CNTN4: variants seen among roughly 807,000 people sequenced by gnomAD.
CNTN4 encodes contactin-4.
A neutral mutation model predicts 122.5 loss-of-function variants in CNTN4; 77 were observed. The observed-to-expected ratio is 0.63, with a 90% confidence interval of 0.52 to 0.76. CNTN4 has a LOEUF of 0.76. CNTN4 is among the 30% of genes least tolerant of loss of function. The pLI is 0.00. For synonymous variants in CNTN4, 512 were observed against 447.0 expected, an observed-to-expected ratio of 1.15 and a Z score of -1.83; for missense variants, 1,256 against 1,259.1, an observed-to-expected ratio of 1.00 and a Z score of 0.04.
chr3:2,463,997 G>A (rs1346409276), intron 3 of CNTN4, among the ~76,000 whole-genome samples: 1 of 152,052 alleles, frequency 6.6e-6, no homozygotes, highest in Admixed American at 6.6e-5. Flanking sequence ...TCATTTTCCT[G>A]TCCAATCTTC....
At chr3:2,749,989 T>TA (rs2090012774) in intron 6 of CNTN4, among the ~76,000 whole-genome samples, 2 of 152,214 alleles carry the variant, frequency 1.3e-5, no homozygotes, top group Non-Finnish European at 2.9e-5. Context: ...TGGCCACACT[T>TA]ACTGCACTAT....
intron 3 of CNTN4, among the ~76,000 whole-genome samples, chr3:2,542,580 G>T (rs2078076851): frequency 6.6e-6 from 1 of 152,142 alleles, no homozygotes; most frequent in Non-Finnish European, 1.5e-5. Context: ...CTGAATGTCA[G>T]ATCGAGAGCT....
At chr3:2,920,719 C>A (rs939468664) in intron 12 of CNTN4, among the ~76,000 whole-genome samples, 8 of 152,090 alleles carry the variant, frequency 5.3e-5, no homozygotes, top group Admixed American at 4.6e-4. Flanking sequence ...TAATCTGGAT[C>A]AAATACTGTG....
intron 3 of CNTN4, among the ~76,000 whole-genome samples, chr3:2,421,733 G>A (rs188645885): frequency 6.6e-6 from 1 of 152,268 alleles, no homozygotes; most frequent in Non-Finnish European, 1.5e-5. Flanking sequence ...AAGACCATTT[G>A]TAATACAATT....
chr3:2,366,651 C>T (rs927303904), intron 3 of CNTN4, among the ~76,000 whole-genome samples: 40 of 151,778 alleles, frequency 2.6e-4, no homozygotes, highest in African/African-American at 8.0e-4. Flanking sequence ...CACTTGAACC[C>T]GGGAGGCGGA....
intron 3 of CNTN4, among the ~76,000 whole-genome samples, chr3:2,481,053 C>CTTTCT (rs71058623): frequency 4.2e-5 from 6 of 144,546 alleles, no homozygotes; most frequent in African/African-American, 1.6e-4. Flanking sequence ...TTCTTTCTTT[C>CTTTCT]TTTCTTTCTC....
chr3:2,516,665 T>C (rs1430337341), intron 3 of CNTN4, among the ~76,000 whole-genome samples: 2 of 152,132 alleles, frequency 1.3e-5, no homozygotes, highest in Non-Finnish European at 2.9e-5. Context: ...CATTTTTGCA[T>C]GAAATTTCTC....
chr3:2,631,268 A>C (rs934361675), intron 4 of CNTN4, among the ~76,000 whole-genome samples: 16 of 152,214 alleles, frequency 1.1e-4, no homozygotes, highest in African/African-American at 3.9e-4. Context: ...ATGAATATTT[A>C]GTTTTGAAAG....
chr3:2,133,718 C>T (rs1284750149), intron 2 of CNTN4, among the ~76,000 whole-genome samples: 1 of 151,996 alleles, frequency 6.6e-6, no homozygotes, highest in Non-Finnish European at 1.5e-5. Context: ...TCTAACATAG[C>T]GAAATAAATA....
intron 3 of CNTN4, among the ~76,000 whole-genome samples, chr3:2,379,270 T>G (rs2045932749): frequency 6.6e-6 from 1 of 152,146 alleles, no homozygotes; most frequent in Non-Finnish European, 1.5e-5. Context: ...CGTTTCCTTT[T>G]TTTTTCTTCT....
chr3:2,741,141 G>C (rs2089436057), intron 5 of CNTN4, among the ~76,000 whole-genome samples: 1 of 152,188 alleles, frequency 6.6e-6, no homozygotes, highest in South Asian at 2.1e-4. Flanking sequence ...AGCATGCTAG[G>C]TCTGAGTATT....
chr3:2,565,705 A>G (rs528813197), intron 3 of CNTN4, among the ~76,000 whole-genome samples: 1 of 152,130 alleles, frequency 6.6e-6, no homozygotes, highest in Non-Finnish European at 1.5e-5. Flanking sequence ...GAACATTAAG[A>G]TTTTACTGTA....
At chr3:2,845,708 A>C (rs1297116352) in intron 7 of CNTN4, among the ~76,000 whole-genome samples, 3 of 152,216 alleles carry the variant, frequency 2.0e-5, no homozygotes, top group African/African-American at 7.2e-5. Flanking sequence ...CCTGGAAGTA[A>C]AGTAAAATCA....
intron 3 of CNTN4, among the ~76,000 whole-genome samples, chr3:2,348,667 A>G (rs992535034): frequency 1.3e-5 from 2 of 152,138 alleles, no homozygotes; most frequent in Admixed American, 1.3e-4. Context: ...TCATTGATCT[A>G]TATTAGCTGG....
rs139567696 is a variant in CNTN4 at position 2,142,971 on chromosome 3, C to G, written c.-145+42332C>G. Reference sequence around the variant, plus strand: ...CTCCTCTGAAGGAGCAAAATGAGTGCTCTATGGCCTTAACCTCTATTTCTC... The same window carrying G: ...CTCCTCTGAAGGAGCAAAATGAGTGGTCTATGGCCTTAACCTCTATTTCTC... On this transcript the variant is annotated intron_variant, in intron 2 of 24. Transcript: ENST00000418658. Among the ~76,000 whole-genome samples the G allele has an allele frequency of 1.8e-3, 270 of 152,306 alleles. 5 individuals are homozygous for G. The highest frequency in any genetic ancestry group is 2.9e-4 in the Non-Finnish European group (20 of 68,030).
At chr3:2,701,391 A>T (rs549668876) in intron 4 of CNTN4, among the ~76,000 whole-genome samples, 3 of 152,168 alleles carry the variant, frequency 2.0e-5, no homozygotes, top group Non-Finnish European at 4.4e-5. Flanking sequence ...GGGAGAAGAC[A>T]TAAGTGAGGA....
At chr3:2,484,076 C>T (rs182604709) in intron 3 of CNTN4, among the ~76,000 whole-genome samples, 6 of 152,094 alleles carry the variant, frequency 3.9e-5, no homozygotes, top group Admixed American at 3.9e-4. Flanking sequence ...GGACTGTTAG[C>T]AAAATCTACA....
In CNTN4 at chr3:2,874,994, GT is replaced by G. The variant is rs539949540; in HGVS notation, c.652+8051del. Among the ~76,000 whole-genome samples the G allele has an allele frequency of 2.0e-5, 3 of 152,058 alleles. No individual in the cohort carries two copies. In the East Asian group the frequency reaches 5.8e-4, roughly 29 times the overall value. ...CTTATCCGTTTGTTTTTGTTTGTTT[GT>G]TTTTTGAGATAGAGTCTGTCTCTGT... On this transcript the variant is annotated intron_variant, in intron 8 of 24. Transcript: ENST00000418658.
intron 6 of CNTN4, among the ~76,000 whole-genome samples, chr3:2,781,993 G>C (rs998881315): frequency 6.6e-6 from 1 of 151,752 alleles, no homozygotes; most frequent in African/African-American, 2.4e-5. Flanking sequence ...AAAGTGCTGA[G>C]ATTACAGGCA....
Sources: allele counts gnomAD v4.1 joint callset (sites outside exome capture counted in the v4.1 genomes callset), GRCh38; gene constraint gnomAD v4.1.1; transcripts MANE v1.5; gene names NCBI Gene and HGNC (gene_info 2026-07-23, HGNC 2026-07-21).